SOCS2: variants seen among roughly 807,000 people sequenced by gnomAD.
The protein encoded by SOCS2 is CIS-2.
Under a neutral mutation model 18.6 loss-of-function variants are expected in SOCS2, and 10 were observed. The observed-to-expected ratio is 0.54, with a 90% CI of 0.33 to 0.91. The LOEUF is 0.91. SOCS2 is among the 40% of genes least tolerant of loss of function. The probability of loss-of-function intolerance (pLI) is 0.02; values close to 1 mark genes in which losing one functional copy is unlikely to be tolerated. For synonymous variants in SOCS2, 104 were observed against 104.0 expected (o/e 1.00, Z 0.00); for missense variants, 231 against 247.2 (o/e 0.93, Z 0.44).
chr12:93,613,179 T>C, the SOCS2 span, among the ~76,000 whole-genome samples: 11 of 152,340 alleles, frequency 7.2e-5, no homozygotes, highest in African/African-American at 2.6e-4. Flanking sequence ...CCGAAGGTAT[T>C]TTCTCCTTTT....
chr12:93,578,257 A>T (rs1392314209), downstream of SOCS2, among the ~76,000 whole-genome samples: 1 of 152,220 alleles, frequency 6.6e-6, no homozygotes, highest in Non-Finnish European at 1.5e-5. Context: ...AGAATGGGAC[A>T]GTTGTTTGGG....
At chr12:93,593,458 G>T in the SOCS2 span, among the ~76,000 whole-genome samples, 3 of 152,228 alleles carry the variant, frequency 2.0e-5, no homozygotes, top group South Asian at 6.2e-4. Flanking sequence ...AAATAAATTA[G>T]ATATTAGAAT....
At chr12:93,577,461 A>G (rs1388498222), downstream of SOCS2, among the ~76,000 whole-genome samples, 1 of 151,282 alleles carries the variant, frequency 6.6e-6, no homozygotes, top group Non-Finnish European at 1.5e-5. Context: ...TACAATGATG[A>G]TAGGAGGTTC....
the SOCS2 span, among the ~76,000 whole-genome samples, chr12:93,612,590 T>C: frequency 6.6e-6 from 1 of 152,220 alleles, no homozygotes; most frequent in Admixed American, 6.5e-5. Context: ...CTAATCTCTG[T>C]CTCAGAATCA....
In SOCS2 at chr12:93,574,861, T is replaced by C. The variant is rs1233421934; in HGVS notation, c.279T>C (p.Thr93=). ...CTGTTAAAACATCAGCTGGACCAAC[T>C]AATCTTCGAATCGAATACCAAGACG... ...TISVKTSAGP[T]NLRIEYQDGK... is the part of the protein sequence containing the mutation. Residue 93 remains threonine (T), a synonymous_variant, in exon 2 of 2, where the codon ACT becomes ACC. Transcript: ENST00000551556. 6.2e-7 allele frequency: 1 copy of C among 1,614,102 alleles called. No individual in the cohort carries two copies. Among genetic ancestry groups the C allele is most frequent in the Non-Finnish European group, 8.5e-7 (1 of 1,180,046 alleles).
At chr12:93,625,254 A>G in the SOCS2 span, among the ~76,000 whole-genome samples, 2 of 151,804 alleles carry the variant, frequency 1.3e-5, no homozygotes, top group Non-Finnish European at 2.9e-5. Flanking sequence ...TACACACACA[A>G]TCTCTCTCTG....
chr12:93,617,391 T>C, the SOCS2 span, among the ~76,000 whole-genome samples: 2 of 152,176 alleles, frequency 1.3e-5, no homozygotes, highest in Non-Finnish European at 2.9e-5. Context: ...GTCTTGGTGA[T>C]GTTGAGTTCC....
At chr12:93,588,338 TAAAG>T (rs1954596636), downstream of SOCS2, among the ~76,000 whole-genome samples, 1 of 152,232 alleles carries the variant, frequency 6.6e-6, no homozygotes, top group Non-Finnish European at 1.5e-5. Flanking sequence ...AATGAATTAA[TAAAG>T]AACATATATA....
chr12:93,579,817 T>G (rs1351446232), downstream of SOCS2, among the ~76,000 whole-genome samples: 1 of 152,194 alleles, frequency 6.6e-6, no homozygotes, highest in African/African-American at 2.4e-5. Context: ...TCCTGAGCTT[T>G]GTCAGCAAAG....
upstream of SOCS2, chr12:93,570,257 G>C (rs532504281): frequency 3.3e-5 from 5 of 152,198 alleles, no homozygotes; most frequent in Non-Finnish European, 7.3e-5. Context: ...CGGGTCTACC[G>C]GAGACGTTGG....
the SOCS2 span, among the ~76,000 whole-genome samples, chr12:93,595,826 T>A: frequency 6.6e-6 from 1 of 152,180 alleles, no homozygotes; most frequent in Non-Finnish European, 1.5e-5. Context: ...CAAAATGAGC[T>A]GTTTTATTTT....
chr12:93,575,748 T>A lies in SOCS2; in HGVS notation c.*569T>A, dbSNP rs1954445814. The A allele has an allele frequency of 6.5e-6, 1 of 152,726 alleles. No homozygotes were observed. Among genetic ancestry groups the A allele is most frequent in the African/African-American group, 2.4e-5 (1 of 41,458 alleles). The allele number at this position is 152,726 out of a possible 1,614,324, so 9.5% of individuals were successfully genotyped here. Reference sequence around the variant, plus strand: ...ACCAAAAAAAGTGACCATGAAGTCCTGTATTTGTCTTTTTACTACATGTAG... The same window carrying A: ...ACCAAAAAAAGTGACCATGAAGTCCAGTATTTGTCTTTTTACTACATGTAG... On this transcript the variant is annotated 3_prime_UTR_variant, in exon 2 of 2. Transcript: ENST00000551556.
chr12:93,572,675 C>G lies in SOCS2; in HGVS notation c.-223C>G, dbSNP rs1292177211. The G allele has an allele frequency of 2.8e-6, 2 of 720,084 alleles. No homozygotes were observed. Among genetic ancestry groups the G allele is most frequent in the Non-Finnish European group, 5.0e-6 (2 of 404,010 alleles). The allele number at this position is 720,084 out of a possible 1,614,324, so 44.6% of individuals were successfully genotyped here. A position where few individuals can be genotyped will look rare whatever the true frequency, so the allele number is the denominator to read the frequency against. Reference sequence around the variant, plus strand: ...TTGGACTGACCCAACCTCCCGCTTTCTCTTTGTAGGCGATCAGTGGGTGAC... The same window carrying G: ...TTGGACTGACCCAACCTCCCGCTTTGTCTTTGTAGGCGATCAGTGGGTGAC... On this transcript the variant is annotated 5_prime_UTR_variant, in exon 1 of 2. Transcript: ENST00000551556. The surrounding 1 kb of genome is among the most constrained non-coding windows in gnomAD (Gnocchi z 5.0).
At chr12:93,598,929 A>G in the SOCS2 span, among the ~76,000 whole-genome samples, 1 of 152,196 alleles carries the variant, frequency 6.6e-6, no homozygotes, top group African/African-American at 2.4e-5. Flanking sequence ...CTCTCCAAAG[A>G]GGTTGTACCA....
At chr12:93,577,739 A>C (rs1470706827), downstream of SOCS2, among the ~76,000 whole-genome samples, 1 of 152,118 alleles carries the variant, frequency 6.6e-6, no homozygotes, top group Non-Finnish European at 1.5e-5. Context: ...TTTTCCCCTG[A>C]ACACGCCTGA....
At chr12:93,605,199 T>A in the SOCS2 span, among the ~76,000 whole-genome samples, 1 of 152,204 alleles carries the variant, frequency 6.6e-6, no homozygotes, top group African/African-American at 2.4e-5. Context: ...ACCACCCACA[T>A]TTAACAAGGA....
At chr12:93,588,412 G>A (rs1257665130), downstream of SOCS2, among the ~76,000 whole-genome samples, 7 of 152,008 alleles carry the variant, frequency 4.6e-5, no homozygotes, top group Admixed American at 4.6e-4. Flanking sequence ...TGTATCTTTT[G>A]TTTTTATTTT....
At chr12:93,605,464 A>T in the SOCS2 span, among the ~76,000 whole-genome samples, 3 of 152,136 alleles carry the variant, frequency 2.0e-5, no homozygotes, top group African/African-American at 4.8e-5. Context: ...CCTTATTTTT[A>T]AAAAAAGTCA....
chr12:93,578,373 G>T (rs1241009914), downstream of SOCS2, among the ~76,000 whole-genome samples: 1 of 152,166 alleles, frequency 6.6e-6, no homozygotes, highest in Non-Finnish European at 1.5e-5. Flanking sequence ...CCAAAGGATG[G>T]AATGTCCTGA....
Sources: allele counts gnomAD v4.1 joint callset (sites outside exome capture counted in the v4.1 genomes callset), GRCh38; gene constraint gnomAD v4.1.1; non-coding constraint Gnocchi (gnomAD v3.1); transcripts MANE v1.5; gene names NCBI Gene and HGNC (gene_info 2026-07-23, HGNC 2026-07-21).